The following TBC1D21 variants were observed in gnomAD, a reference collection of about 807,000 sequenced individuals.
TBC1D21 encodes the protein male germ cell Rab GTPase-activating protein.
In TBC1D21, 38 loss-of-function variants were observed where a neutral mutation model predicts 46.0. The ratio of observed to expected loss-of-function variants is 0.83; its 90% CI spans 0.64 to 1.08. The LOEUF (loss-of-function observed/expected upper bound fraction) is 1.08. TBC1D21 is among the 50% of genes least tolerant of loss of function. TBC1D21 has a pLI of 0.00. For synonymous variants in TBC1D21, 151 were observed against 157.2 expected (o/e 0.96, Z 0.29); for missense variants, 415 against 417.9 (o/e 0.99, Z 0.06).
Position 73,889,147 on chromosome 15 carries a change from G to A in TBC1D21, c.*46G>A, listed in dbSNP as rs754217840. The A allele has an allele frequency of 3.1e-6, 5 of 1,600,370 alleles. No individual in the cohort carries two copies. Among genetic ancestry groups the A allele is most frequent in the Non-Finnish European group, 4.3e-6 (5 of 1,170,966 alleles). ...GACTGATGCCTTCGATGGGCAGGAT[G>A]AAGGCCAGGGGCACTGGAGTGAGGG... is the stretch of plus-strand genomic sequence containing the variant. On this transcript the variant is annotated 3_prime_UTR_variant, in exon 11 of 11. Coordinates refer to ENST00000300504, the MANE Select transcript of TBC1D21 (RefSeq NM_153356.3).
chr15:73,875,926 G>T (rs77891899), intron 1 of TBC1D21, among the ~76,000 whole-genome samples: 1 of 152,160 alleles, frequency 6.6e-6, no homozygotes, highest in Non-Finnish European at 1.5e-5. Context: ...GACAATCTCC[G>T]TCACATTAAA....
the TBC1D21 span, among the ~76,000 whole-genome samples, chr15:73,899,788 G>A: frequency 1.1e-4 from 17 of 152,220 alleles, no homozygotes; most frequent in African/African-American, 3.6e-4. Flanking sequence ...TCTGGGGGCT[G>A]TACAGAAAGG....
At chr15:73,908,732 G>C in the TBC1D21 span, among the ~76,000 whole-genome samples, 7 of 152,370 alleles carry the variant, frequency 4.6e-5, no homozygotes, top group African/African-American at 1.7e-4. Context: ...CATGATGACT[G>C]TCTAGAGACC....
the TBC1D21 span, among the ~76,000 whole-genome samples, chr15:73,898,880 A>AATAT: frequency 5.8e-4 from 33 of 56,794 alleles, 1 homozygote; most frequent in East Asian, 1.1e-3. Context: ...AAAAAAAAAA[A>AATAT]ATATATATAT....
intron 1 of TBC1D21, 71 bp from the exon 2 acceptor site, chr15:73,881,328 T>C (rs2068149868): frequency 8.6e-7 from 1 of 1,167,042 alleles, no homozygotes; most frequent in South Asian, 1.3e-5. Context: ...GTCCAGAACA[T>C]ATTATTTAAA....
chr15:73,876,221 T>TG (rs1567062336), intron 1 of TBC1D21, among the ~76,000 whole-genome samples: 9 of 36,384 alleles, frequency 2.5e-4, no homozygotes, highest in East Asian at 3.3e-3. Flanking sequence ...TTTTTTTTTT[T>TG]TTTTTTTTTT....
chr15:73,886,651 C>T, intron 8 of TBC1D21, 39 bp downstream of exon 8: 1 of 1,581,582 alleles, frequency 6.3e-7, no homozygotes, highest in Non-Finnish European at 8.7e-7. Context: ...CTGGGCTCCA[C>T]CCATCAGGCA....
chr15:73,891,258 C>G (rs2068334360), downstream of TBC1D21, among the ~76,000 whole-genome samples: 1 of 152,234 alleles, frequency 6.6e-6, no homozygotes, highest in African/African-American at 2.4e-5. Flanking sequence ...AGGGTCCATT[C>G]TGGAGATAGA....
At chr15:73,887,871 A>G (rs2068279547) in intron 9 of TBC1D21, 135 bp downstream of exon 9, 3 of 695,036 alleles carry the variant, frequency 4.3e-6, no homozygotes, top group Non-Finnish European at 7.3e-6. Flanking sequence ...AGAAAGGGCA[A>G]TGAGATCTAA....
chr15:73,877,964 T>C (rs959534436), intron 1 of TBC1D21, among the ~76,000 whole-genome samples: 30 of 152,248 alleles, frequency 2.0e-4, no homozygotes, highest in Admixed American at 1.8e-3. Flanking sequence ...CACATCATAC[T>C]GAACTGTGAA....
intron 1 of TBC1D21, among the ~76,000 whole-genome samples, chr15:73,879,679 T>C (rs903822046): frequency 7.9e-5 from 12 of 152,204 alleles, no homozygotes. Context: ...GTACGCCAAT[T>C]TAATTTTGAG....
chr15:73,909,481 G>A, the TBC1D21 span, among the ~76,000 whole-genome samples: 4 of 152,256 alleles, frequency 2.6e-5, no homozygotes, highest in Non-Finnish European at 4.4e-5. Context: ...CGGGCTTCAC[G>A]AGAGATGAAG....
the TBC1D21 span, among the ~76,000 whole-genome samples, chr15:73,902,759 G>A: frequency 9.9e-5 from 15 of 152,224 alleles, no homozygotes; most frequent in Admixed American, 4.6e-4. Flanking sequence ...TCAAATAAAT[G>A]CTTGTAGAAC....
chr15:73,882,273 C>T (rs940673261), intron 3 of TBC1D21, among the ~76,000 whole-genome samples: 1 of 152,138 alleles, frequency 6.6e-6, no homozygotes, highest in Admixed American at 6.5e-5. Context: ...TTTCAAATAG[C>T]ACATCTTCTC....
rs749422790 is a variant in TBC1D21, at chr15:73,887,644, A to G, written c.802A>G (p.Arg268Gly). The G allele has an allele frequency of 1.9e-6, 3 of 1,613,932 alleles. No individual in the cohort carries two copies. The African/African-American group carries it at 4.0e-5, about 22-fold the overall frequency. Residue 268 changes from arginine to glycine, a missense_variant, in exon 9 of 11, where the codon AGG (arginine) becomes GGG (glycine). Transcript: ENST00000300504. ...GGTTCTGCTGACGGGGAAGCCCTGCAGGAACTTCCAGGTGCTGGTGGCCTA... is the reference window on the plus strand; with the variant it reads ...GGTTCTGCTGACGGGGAAGCCCTGCGGGAACTTCCAGGTGCTGGTGGCCTA... ...WEVLLTGKPCRNFQVLVAYSM... is the reference protein window; with the variant it reads ...WEVLLTGKPCGNFQVLVAYSM...
At chr15:73,897,923 G>A in the TBC1D21 span, among the ~76,000 whole-genome samples, 4 of 149,274 alleles carry the variant, frequency 2.7e-5, no homozygotes, top group African/African-American at 4.8e-5. Flanking sequence ...GGACCCACGC[G>A]CCGCCTCTAC....
chr15:73,890,746 T>G (rs537121595), downstream of TBC1D21, among the ~76,000 whole-genome samples: 1 of 152,330 alleles, frequency 6.6e-6, no homozygotes, highest in South Asian at 2.1e-4. Flanking sequence ...AGAACTCATC[T>G]TCTAGACCAC....
At chr15:73,894,310 C>T in the TBC1D21 span, among the ~76,000 whole-genome samples, 1 of 152,232 alleles carries the variant, frequency 6.6e-6, no homozygotes, top group African/African-American at 2.4e-5. Context: ...TCACAGGCCA[C>T]CCCACCCTTG....
At chr15:73,886,485 C>G (rs758717808) in intron 7 of TBC1D21, 27 bp from the exon 8 acceptor site, 44 of 1,604,240 alleles carry the variant, frequency 2.7e-5, no homozygotes, top group Non-Finnish European at 3.5e-5. Flanking sequence ...TTTCCCCTGA[C>G]CACAGCCTCA....
Sources: gnomAD v4.1 joint callset for allele counts (sites outside exome capture counted in the v4.1 genomes callset) on GRCh38, gnomAD v4.1.1 for gene constraint, MANE v1.5 for transcripts, NCBI Gene and HGNC (gene_info 2026-07-23, HGNC 2026-07-21) for gene names.